SMIM35: variants seen among roughly 807,000 people sequenced by gnomAD.
SMIM35 encodes small integral membrane protein 35.
At chr11:118,011,209 G>A (rs1039769021) in intron 4 of SMIM35, among the ~76,000 whole-genome samples, 6 of 152,156 alleles carry the variant, frequency 3.9e-5, no homozygotes, top group East Asian at 3.9e-4. Context: ...TCCCAGCCCC[G>A]GGCAGCTGTC....
chr11:118,052,231 AG>A (rs1944228486), intron 1 of SMIM35, among the ~76,000 whole-genome samples: 2 of 152,168 alleles, frequency 1.3e-5, no homozygotes, highest in Non-Finnish European at 2.9e-5. Flanking sequence ...CTTTCCCCAG[AG>A]GAAAACTCAG....
At chr11:118,028,195 A>G (rs532313571) in intron 1 of SMIM35, among the ~76,000 whole-genome samples, 4 of 152,186 alleles carry the variant, frequency 2.6e-5, no homozygotes, top group Admixed American at 2.0e-4. Context: ...GTAGGGAGTC[A>G]GTGTAGACAA....
At chr11:118,028,753 T>C (rs2135051750) in intron 1 of SMIM35, 1 of 422,332 alleles carries the variant, frequency 2.4e-6, no homozygotes, top group South Asian at 1.7e-5. Flanking sequence ...GGGAAGAAGA[T>C]GGAAGAAGAG....
chr11:118,079,647 C>A (rs538362796), intron 1 of SMIM35, among the ~76,000 whole-genome samples: 2 of 152,230 alleles, frequency 1.3e-5, no homozygotes. Flanking sequence ...AACCCCCTGA[C>A]GCTTCCGGCT....
chr11:118,067,127 CA>C (rs1944486871), intron 1 of SMIM35: 1 of 152,058 alleles, frequency 6.6e-6, no homozygotes, highest in African/African-American at 2.4e-5. Context: ...AAACATGTCA[CA>C]ATATGCTAAC....
At chr11:118,015,920 TG>T in intron 1 of SMIM35, 111 bp from the exon 2 acceptor site, 1 of 398,266 alleles carries the variant, frequency 2.5e-6, no homozygotes, top group Non-Finnish European at 4.4e-6. Flanking sequence ...AACTGTCCCC[TG>T]GGAGCCTTGC....
intron 1 of SMIM35, among the ~76,000 whole-genome samples, chr11:118,082,646 C>T (rs1287084466): frequency 6.6e-6 from 1 of 152,022 alleles, no homozygotes; most frequent in African/African-American, 2.4e-5. Context: ...AAAGGGAAAA[C>T]CAGTAGCTAT....
At chr11:118,043,457 T>G (rs1191125348) in intron 1 of SMIM35, among the ~76,000 whole-genome samples, 2 of 152,106 alleles carry the variant, frequency 1.3e-5, no homozygotes, top group Non-Finnish European at 2.9e-5. Context: ...GAAGTCCACA[T>G]ATTATATGAT....
At chr11:118,058,755 C>G (rs1284319206) in intron 1 of SMIM35, among the ~76,000 whole-genome samples, 1 of 152,084 alleles carries the variant, frequency 6.6e-6, no homozygotes, top group Non-Finnish European at 1.5e-5. Context: ...TGGGAGATGA[C>G]CAAGAGCCCA....
At position 118,058,934 on chromosome 11, in the gene SMIM35, G is replaced by A. The variant is rs182696368; in HGVS notation, c.7+27817C>T. On this transcript the variant is annotated intron_variant, in intron 1 of 4. Coordinates refer to ENST00000689828, the MANE Select transcript of SMIM35 (RefSeq NM_001394165.1). Reference sequence around the variant, plus strand: ...AGAGAGGTCAAAAAGGGCAAGAGGGGCAAGCGACAAATGCATCAGAAACGT... The same window carrying A: ...AGAGAGGTCAAAAAGGGCAAGAGGGACAAGCGACAAATGCATCAGAAACGT... Among the ~76,000 whole-genome samples the A allele has an allele frequency of 2.4e-3, 365 of 152,338 alleles. 2 individuals are homozygous for A. Among genetic ancestry groups the A allele is most frequent in the Non-Finnish European group, 4.0e-3 (272 of 68,032 alleles).
intron 4 of SMIM35, among the ~76,000 whole-genome samples, chr11:118,012,572 C>T (rs1056020338): frequency 6.6e-6 from 1 of 152,202 alleles, no homozygotes. Context: ...TTGCAGGAGC[C>T]TAGGCGACAA....
chr11:118,069,784 A>G (rs554515847), intron 1 of SMIM35, among the ~76,000 whole-genome samples: 24 of 152,322 alleles, frequency 1.6e-4, no homozygotes, highest in African/African-American at 5.3e-4. Flanking sequence ...ATACAAGGCC[A>G]GGCGCGGTGG....
intron 4 of SMIM35, among the ~76,000 whole-genome samples, chr11:118,012,667 A>G (rs2058156333): frequency 1.3e-5 from 2 of 152,216 alleles, no homozygotes; most frequent in South Asian, 4.1e-4. Flanking sequence ...CTTGAGCAGT[A>G]AGAGAACAGG....
At chr11:118,050,510 C>T (rs1287544499) in intron 1 of SMIM35, among the ~76,000 whole-genome samples, 1 of 152,214 alleles carries the variant, frequency 6.6e-6, no homozygotes, top group Non-Finnish European at 1.5e-5. Flanking sequence ...AGCTTTGGTT[C>T]TCCGTTTATC....
intron 1 of SMIM35, among the ~76,000 whole-genome samples, chr11:118,016,567 G>A (rs140317999): frequency 1.3e-5 from 2 of 152,254 alleles, no homozygotes; most frequent in East Asian, 3.9e-4. Context: ...TCCCCATTTG[G>A]TGTCCTGAGG....
intron 1 of SMIM35, among the ~76,000 whole-genome samples, chr11:118,030,370 C>T (rs1336886482): frequency 1.3e-5 from 2 of 152,066 alleles, no homozygotes; most frequent in African/African-American, 4.8e-5. Context: ...GGCTTCTTCA[C>T]AGAAACGTAA....
In SMIM35 at chr11:118,013,837, C is replaced by A; in HGVS notation, c.202G>T (p.Gly68Cys). 1 of 399,024 alleles carries A rather than the reference C, an allele frequency of 2.5e-6. No homozygotes were observed. Among genetic ancestry groups the A allele is most frequent in the Non-Finnish European group, 4.4e-6 (1 of 226,090 alleles). The allele number at this position is 399,024 out of a possible 1,614,324, so 24.7% of individuals were successfully genotyped here. The change falls in exon 4 of 5, where the codon GGT (glycine) becomes TGT (cysteine). Residue 68 changes from glycine to cysteine, a missense_variant. Transcript: ENST00000689828. Reference sequence around the variant, plus strand: ...CCACCATCTGTGCTGCTGATGTGACCACTGATGGTGAAGGGTGGACCCATC... The same window carrying A: ...CCACCATCTGTGCTGCTGATGTGACAACTGATGGTGAAGGGTGGACCCATC... ...LEMGPPFTIS[G>C]HISSTDGGYM...
intron 1 of SMIM35, among the ~76,000 whole-genome samples, chr11:118,057,559 G>T (rs1241429653): frequency 3.3e-5 from 5 of 152,224 alleles, no homozygotes; most frequent in African/African-American, 1.2e-4. Context: ...GTGGCCAAAG[G>T]ACTTTTCAGC....
intron 1 of SMIM35, among the ~76,000 whole-genome samples, chr11:118,080,934 G>A (rs1254768610): frequency 6.6e-6 from 1 of 152,220 alleles, no homozygotes; most frequent in Non-Finnish European, 1.5e-5. Context: ...CCCTGGGACA[G>A]TGAACTCCTC....
Sources: allele counts gnomAD v4.1 joint callset (sites outside exome capture counted in the v4.1 genomes callset), GRCh38; gene constraint gnomAD v4.1.1; transcripts MANE v1.5; gene names NCBI Gene and HGNC (gene_info 2026-07-23, HGNC 2026-07-21).